The following RIC1 variants were observed in gnomAD, a reference collection of about 807,000 sequenced individuals.
RIC1 encodes the protein RIC1 partner of RAB6A GEF complex.
RIC1 carries 88 observed loss-of-function variants against 169.0 expected under a neutral mutation model. That is an observed-to-expected ratio of 0.52 (90% CI 0.44 to 0.62). RIC1 has a LOEUF of 0.62. Among genes scored for constraint, RIC1 ranks in the 20% least tolerant of loss-of-function variants. RIC1 has a pLI of 0.00. For missense variants in RIC1, 1,877 were observed against 1,725.5 expected, an observed-to-expected ratio of 1.09 and a Z score of -1.56; for synonymous variants, 790 against 601.5, an observed-to-expected ratio of 1.31 and a Z score of -4.59.
chr9:5,633,248 G>C (rs934182939), intron 1 of RIC1, among the ~76,000 whole-genome samples: 4 of 152,136 alleles, frequency 2.6e-5, no homozygotes, highest in Non-Finnish European at 4.4e-5. Context: ...TAACTGTGTT[G>C]ACCTCAGGAA....
rs374426334 is a variant in RIC1, at chr9:5,728,562, G to A, written c.721-3826G>A. Among the ~76,000 whole-genome samples the A allele has an allele frequency of 1.2e-4, 19 of 152,348 alleles. No individual in the cohort carries two copies. In the South Asian group the frequency reaches 2.9e-3, roughly 23 times the overall value. On this transcript the variant is annotated intron_variant, in intron 6 of 25. Coordinates refer to ENST00000414202, the MANE Select transcript of RIC1 (RefSeq NM_020829.4). ...TGCACCCACTGTCTGACAAGCCCTA[G>A]TGAGATGAACCTGGTACTTCAGTTG... is the stretch of plus-strand genomic sequence containing the variant.
At chr9:5,690,314 A>G (rs1480783260) in intron 3 of RIC1, among the ~76,000 whole-genome samples, 1 of 152,052 alleles carries the variant, frequency 6.6e-6, no homozygotes, top group Non-Finnish European at 1.5e-5. Flanking sequence ...CTCATTCCTT[A>G]TTAGGGAAGA....
intron 16 of RIC1, among the ~76,000 whole-genome samples, chr9:5,756,672 C>T (rs975846568): frequency 6.6e-6 from 1 of 151,970 alleles, no homozygotes; most frequent in Non-Finnish European, 1.5e-5. Context: ...TAAATGGTTA[C>T]TGACTCTCCT....
chr9:5,756,432 T>C (rs1563709131), intron 16 of RIC1, 60 bp downstream of exon 16: 1 of 1,165,162 alleles, frequency 8.6e-7, no homozygotes, highest in Non-Finnish European at 1.1e-6. Context: ...TTCTCTTTTG[T>C]AGTTTTTGTT....
At chr9:5,642,089 C>G (rs113108681) in intron 1 of RIC1, among the ~76,000 whole-genome samples, 4,900 of 144,416 alleles carry the variant, frequency 0.034, 1,257 homozygotes, top group African/African-American at 0.13. Flanking sequence ...TCCAGTTATT[C>G]GAAGGGACTT....
chr9:5,743,663 T>C, intron 9 of RIC1, 26 bp from the exon 10 acceptor site: 1 of 1,570,456 alleles, frequency 6.4e-7, no homozygotes, highest in East Asian at 2.2e-5. Flanking sequence ...AAGGCTGTAT[T>C]ATATTTAGTT....
intron 7 of RIC1, among the ~76,000 whole-genome samples, chr9:5,736,175 A>G (rs908717520): frequency 6.6e-6 from 1 of 152,228 alleles, no homozygotes; most frequent in African/African-American, 2.4e-5. Flanking sequence ...GACAGTTGTC[A>G]GATGCAAAGC....
At chr9:5,769,579 T>A (rs1471561452) in intron 22 of RIC1, 1 of 742,666 alleles carries the variant, frequency 1.3e-6, no homozygotes, top group African/African-American at 1.8e-5. Context: ...TGGAATCAGA[T>A]AGACATGGAC....
Position 5,720,328 on chromosome 9 carries a change from G to T in RIC1, c.583+4G>T, listed in dbSNP as rs755126456. 139 of 1,609,680 alleles carry T rather than the reference G, an allele frequency of 8.6e-5. No individual in the cohort carries two copies. The highest frequency in any genetic ancestry group is 8.5e-5 in the Non-Finnish European group (100 of 1,178,262). ...GTAGACCTGCAGTCATCTAGAGGTA[G>T]CTATACTTTCTACATGAGGTTGAAC... is the stretch of plus-strand genomic sequence containing the variant. On this transcript the variant is annotated splice_donor_region_variant and intron_variant, in intron 5 of 25. Coordinates refer to ENST00000414202, the MANE Select transcript of RIC1 (RefSeq NM_020829.4).
In RIC1 at chr9:5,720,811, T is replaced by A; in HGVS notation, c.720+61T>A. On this transcript the variant is annotated intron_variant, in intron 6 of 25. Transcript: ENST00000414202. ...TGTGTACTTATTTTATTCTTTGTTA[T>A]CAAATTCTTCTCTATTTTCATCATT... The A allele has an allele frequency of 6.0e-6, 8 of 1,343,896 alleles. 1 individual carries two copies. The highest frequency in any genetic ancestry group is 8.0e-6 in the Non-Finnish European group (8 of 993,790). The allele number at this position is 1,343,896 out of a possible 1,614,324, so 83.2% of individuals were successfully genotyped here.
rs1563867105 is a variant in RIC1, at chr9:5,647,986, G to GA, written c.145-8597_145-8596insA. On this transcript the variant is annotated intron_variant, in intron 1 of 25. Coordinates refer to ENST00000414202, the MANE Select transcript of RIC1 (RefSeq NM_020829.4). ...GGTGGTGGTGGTGATGGTGGTGGTG[G>GA]TGGTGGTAGTGGTAGTGGTTTTTTC... 1.7e-3 allele frequency among the ~76,000 whole-genome samples: 196 copies of GA among 116,546 alleles called. 2 individuals are homozygous for GA. Among genetic ancestry groups the GA allele is most frequent in the African/African-American group, 7.1e-3 (185 of 25,898 alleles). 76.5% of individuals were successfully genotyped at this position (116,546 alleles called of 152,430 possible). A position where few individuals can be genotyped will look rare whatever the true frequency, so the allele number is the denominator to read the frequency against.
intron 2 of RIC1, among the ~76,000 whole-genome samples, chr9:5,662,671 G>A (rs1220818463): frequency 6.6e-6 from 1 of 151,776 alleles, no homozygotes; most frequent in Non-Finnish European, 1.5e-5. Context: ...ATTTCTTTGG[G>A]GTCAGGATGA....
At chr9:5,731,010 C>G (rs1279800802) in intron 6 of RIC1, among the ~76,000 whole-genome samples, 1 of 152,154 alleles carries the variant, frequency 6.6e-6, no homozygotes, top group Non-Finnish European at 1.5e-5. Flanking sequence ...TCTTTGAGGA[C>G]TTTCCTCAAA....
Position 5,774,104 on chromosome 9 carries a change from G to C in RIC1, c.4130G>C (p.Ser1377Thr). The change falls in exon 26 of 26, where the codon AGC (serine) becomes ACC (threonine). Residue 1377 changes from serine (S) to threonine (T), a missense_variant. Around this residue, in one of 3 missense-constraint regions of RIC1, gnomAD observed 681 missense variants for 582.0 expected, o/e 1.17. Transcript: ENST00000414202. ...CAGACTAGCCCCCGGGCAGAGGAGA[G>C]CAGGGGCTCCTCCAGCCATGGAAGC... is the stretch of plus-strand genomic sequence containing the variant. ...PEQTSPRAEE[S>T]RGSSSHGSIP... 6.2e-7 allele frequency: 1 copy of C among 1,614,112 alleles called. No homozygotes were observed. Among genetic ancestry groups the C allele is most frequent in the Non-Finnish European group, 8.5e-7 (1 of 1,180,002 alleles).
At position 5,690,018 on chromosome 9, in the gene RIC1, T is replaced by G; in HGVS notation, c.312T>G (p.Leu104=). 6.2e-7 allele frequency: 1 copy of G among 1,600,310 alleles called. No individual in the cohort carries two copies. Among genetic ancestry groups the G allele is most frequent in the Non-Finnish European group, 8.5e-7 (1 of 1,174,890 alleles). Residue 104 remains leucine (L), a synonymous_variant, in exon 3 of 26, where the codon CTT becomes CTG. Transcript: ENST00000414202. ...HITSTRGDKY[L]YEPVYPKGSP... The stretch of plus-strand genomic sequence containing the variant: ...CATCTACAAGAGGGGACAAGTACCT[T>G]TATGAACCAGTGTATCCCAAGTAAG...
chr9:5,693,170 C>T (rs1283614422), intron 3 of RIC1, among the ~76,000 whole-genome samples: 1 of 152,066 alleles, frequency 6.6e-6, no homozygotes, highest in East Asian at 1.9e-4. Context: ...ATTACTGAGG[C>T]CAGTGGTTAA....
At chr9:5,769,748 G>T in intron 22 of RIC1, 1 of 241,340 alleles carries the variant, frequency 4.1e-6, no homozygotes, top group Non-Finnish European at 7.9e-6. Context: ...TATTATTTGT[G>T]AATATTGAAA....
chr9:5,649,548 A>G (rs974896537), intron 1 of RIC1, among the ~76,000 whole-genome samples: 5 of 151,776 alleles, frequency 3.3e-5, no homozygotes, highest in Non-Finnish European at 5.9e-5. Context: ...TATGATATCT[A>G]TCTTTTTGGT....
chr9:5,772,721 T>A lies in RIC1; in HGVS notation c.3774T>A (p.His1258Gln). 1 of 1,608,036 alleles carries A rather than the reference T, an allele frequency of 6.2e-7. No homozygotes were observed. Among genetic ancestry groups the A allele is most frequent in the Non-Finnish European group, 8.5e-7 (1 of 1,178,100 alleles). The change falls in exon 24 of 26, where the codon CAT becomes CAA. Residue 1258 changes from histidine (H) to glutamine (Q), a missense_variant. Transcript: ENST00000414202. ...TGGAGTTGGCCAGTAAAGGGCCTCATAAATCCCAGGTCCAGCTTCGGTGAG... is the reference window on the plus strand; with the variant it reads ...TGGAGTTGGCCAGTAAAGGGCCTCAAAAATCCCAGGTCCAGCTTCGGTGAG... The part of the protein sequence containing the change: ...ISMELASKGP[H>Q]KSQVQLRYLL...
Sources: allele counts gnomAD v4.1 joint callset (sites outside exome capture counted in the v4.1 genomes callset), GRCh38; gene constraint gnomAD v4.1.1; regional missense constraint gnomAD v4.1.1; transcripts MANE v1.5; gene names NCBI Gene and HGNC (gene_info 2026-07-23, HGNC 2026-07-21).